The following PCDH15 variants were observed in gnomAD, a reference collection of about 807,000 sequenced individuals.
PCDH15 encodes protocadherin-15.
PCDH15 carries 129 observed loss-of-function variants against 178.5 expected under a neutral mutation model. That is an observed-to-expected ratio of 0.72 (90% CI 0.63 to 0.84). The LOEUF (loss-of-function observed/expected upper bound fraction) is 0.84. PCDH15 is among the 40% of genes least tolerant of loss of function. PCDH15 has a pLI of 0.00. For synonymous variants in PCDH15, 800 were observed against 732.0 expected (o/e 1.09, Z -1.50); for missense variants, 2,230 against 2,099.9 (o/e 1.06, Z -1.21).
chr10:53,909,829 A>T (rs1019346158), intron 25 of PCDH15, among the ~76,000 whole-genome samples: 10 of 152,240 alleles, frequency 6.6e-5, no homozygotes, highest in African/African-American at 2.4e-4. Flanking sequence ...CAATGGTCTT[A>T]GCAAATGGCA....
At chr10:54,332,377 A>ATATTATATAATCTATATTATATAATAT (rs1939994880) in intron 6 of PCDH15, among the ~76,000 whole-genome samples, 1 of 37,170 alleles carries the variant, frequency 2.7e-5, no homozygotes, top group African/African-American at 1.1e-4. Context: ...TATATATATA[A>ATATTATATAATCTATATTATATAATAT]TATATATATA....
At chr10:54,174,592 G>A (rs1221187301) in intron 13 of PCDH15, among the ~76,000 whole-genome samples, 1 of 151,626 alleles carries the variant, frequency 6.6e-6, no homozygotes, top group Non-Finnish European at 1.5e-5. Context: ...GTAGGAGGTG[G>A]TAATAGATTG....
intron 2 of PCDH15, among the ~76,000 whole-genome samples, chr10:55,521,877 G>A (rs1368727440): frequency 1.3e-5 from 2 of 151,914 alleles, no homozygotes; most frequent in Non-Finnish European, 2.9e-5. Flanking sequence ...GGAAGGCTGG[G>A]AGCTGGAGTT....
chr10:53,928,745 G>A (rs1451772982), intron 25 of PCDH15, among the ~76,000 whole-genome samples: 1 of 151,796 alleles, frequency 6.6e-6, no homozygotes, highest in East Asian at 1.9e-4. Flanking sequence ...TCACTTTGGG[G>A]CCTCATTATT....
chr10:55,510,553 G>A (rs895877356), intron 2 of PCDH15, among the ~76,000 whole-genome samples: 7 of 151,854 alleles, frequency 4.6e-5, no homozygotes, highest in African/African-American at 1.7e-4. Flanking sequence ...CTTCTTACTG[G>A]AAGATTTGAT....
At chr10:54,996,458 T>G (rs1256438547) in intron 2 of PCDH15, among the ~76,000 whole-genome samples, 1 of 152,086 alleles carries the variant, frequency 6.6e-6, no homozygotes, top group East Asian at 1.9e-4. Flanking sequence ...TGTTGCTCAG[T>G]ATGTGGATTG....
chr10:55,602,220 C>A (rs76649901), intron 2 of PCDH15, among the ~76,000 whole-genome samples: 1 of 152,208 alleles, frequency 6.6e-6, no homozygotes, highest in Non-Finnish European at 1.5e-5. Flanking sequence ...TACCCCGCAC[C>A]TGGCTCGGAG....
At chr10:54,060,044 G>A (rs954798744) in intron 18 of PCDH15, among the ~76,000 whole-genome samples, 4 of 152,128 alleles carry the variant, frequency 2.6e-5, no homozygotes, top group Admixed American at 1.3e-4. Flanking sequence ...TCGCAACCAT[G>A]AGCTCTATTT....
chr10:54,203,252 G>A lies in PCDH15; in HGVS notation c.1099-7363C>T, dbSNP rs778559810. On this transcript the variant is annotated intron_variant, in intron 10 of 37. Transcript: ENST00000644397. ...ACTCTAGCATTACCAAAGATTGCTC[G>A]TGTGTCAGTGGGAATACTCTACAAG... Among the ~76,000 whole-genome samples the A allele has an allele frequency of 3.5e-4, 54 of 152,168 alleles. 1 individual carries two copies. Among genetic ancestry groups the A allele is most frequent in the Non-Finnish European group, 2.2e-4 (15 of 68,034 alleles).
chr10:53,845,187 T>G (rs991833751), intron 28 of PCDH15, among the ~76,000 whole-genome samples: 1 of 151,780 alleles, frequency 6.6e-6, no homozygotes, highest in Non-Finnish European at 1.5e-5. Flanking sequence ...TCATCCCAAC[T>G]GTAATTGCTA....
chr10:55,026,662 A>G (rs1028617046), intron 2 of PCDH15, among the ~76,000 whole-genome samples: 1 of 151,952 alleles, frequency 6.6e-6, no homozygotes, highest in Non-Finnish European at 1.5e-5. Context: ...AAGTTACATC[A>G]CTTAGGTAGT....
chr10:54,168,356 AC>A (rs574227016), intron 13 of PCDH15, among the ~76,000 whole-genome samples: 125 of 149,616 alleles, frequency 8.4e-4, no homozygotes, highest in Admixed American at 2.7e-3. Context: ...TCCCCTCAGT[AC>A]CAACCCCAAG....
chr10:54,939,355 C>T (rs1005122641), intron 2 of PCDH15, among the ~76,000 whole-genome samples: 4 of 151,410 alleles, frequency 2.6e-5, no homozygotes, highest in South Asian at 2.1e-4. Flanking sequence ...ATTAGCCGGG[C>T]GTGGTGGCGG....
At chr10:55,440,863 G>A (rs897874002) in intron 2 of PCDH15, among the ~76,000 whole-genome samples, 1 of 152,108 alleles carries the variant, frequency 6.6e-6, no homozygotes, top group Non-Finnish European at 1.5e-5. Context: ...CATCTCACAA[G>A]GTTCCAGACA....
At chr10:55,180,773 T>C (rs1291188919) in intron 1 of PCDH15, among the ~76,000 whole-genome samples, 1 of 152,102 alleles carries the variant, frequency 6.6e-6, no homozygotes. Context: ...AAAACTCACA[T>C]TTCAGTTGCA....
intron 2 of PCDH15, among the ~76,000 whole-genome samples, chr10:55,365,058 T>A (rs1285390178): frequency 6.6e-6 from 1 of 152,280 alleles, no homozygotes; most frequent in South Asian, 2.1e-4. Context: ...TTATAGTTAT[T>A]CCTTTAAAGT....
intron 2 of PCDH15, among the ~76,000 whole-genome samples, chr10:54,652,080 G>A (rs1003788682): frequency 6.6e-6 from 1 of 152,066 alleles, no homozygotes; most frequent in Admixed American, 6.5e-5. Context: ...CTAGGAAAAG[G>A]GAGTAAATGT....
chr10:55,128,685 C>A (rs143857847), intron 2 of PCDH15, among the ~76,000 whole-genome samples: 1 of 152,006 alleles, frequency 6.6e-6, no homozygotes, highest in East Asian at 1.9e-4. Flanking sequence ...CTCCCTTAAA[C>A]TCTGTGTTCT....
chr10:55,570,142 C>T (rs902524702), intron 2 of PCDH15, among the ~76,000 whole-genome samples: 1 of 151,866 alleles, frequency 6.6e-6, no homozygotes, highest in South Asian at 2.1e-4. Context: ...TAAATAGCTT[C>T]TCTTTGTTTC....
Sources: gnomAD v4.1 joint callset for allele counts (sites outside exome capture counted in the v4.1 genomes callset) on GRCh38, gnomAD v4.1.1 for gene constraint, MANE v1.5 for transcripts, NCBI Gene and HGNC (gene_info 2026-07-23, HGNC 2026-07-21) for gene names.